Variants in TATDN1 observed in about 807,000 individuals in gnomAD.
TATDN1 encodes the protein TatD DNase domain containing 1.
Under a neutral mutation model 46.4 loss-of-function variants are expected in TATDN1, and 40 were observed. The observed-to-expected ratio is 0.86, with a 90% CI of 0.67 to 1.12. The LOEUF (loss-of-function observed/expected upper bound fraction) is 1.12, where lower values mean the gene tolerates loss of function less well. TATDN1 is among the 50% of genes most tolerant of loss of function. The pLI, the probability that TATDN1 is intolerant of heterozygous loss-of-function variation, is 0.00. For missense variants in TATDN1, 326 were observed against 348.4 expected, an observed-to-expected ratio of 0.94 and a Z score of 0.51; for synonymous variants, 95 against 105.6, an observed-to-expected ratio of 0.90 and a Z score of 0.62.
chr8:124,502,326 G>GT (rs1467145081), intron 9 of TATDN1, among the ~76,000 whole-genome samples: 1 of 146,406 alleles, frequency 6.8e-6, no homozygotes, highest in Non-Finnish European at 1.5e-5. Context: ...GGGCGACTGA[G>GT]TGAGAGTCCC....
At chr8:124,502,328 G>T (rs1818041656) in intron 9 of TATDN1, among the ~76,000 whole-genome samples, 1 of 144,560 alleles carries the variant, frequency 6.9e-6, no homozygotes, top group Non-Finnish European at 1.5e-5. Context: ...GCGACTGAGT[G>T]AGAGTCCCTC....
chr8:124,527,515 C>T (rs987062123), intron 1 of TATDN1, among the ~76,000 whole-genome samples: 5 of 151,870 alleles, frequency 3.3e-5, no homozygotes, highest in African/African-American at 9.7e-5. Flanking sequence ...TTCTATTTAA[C>T]GCTTACAAAA....
intron 1 of TATDN1, among the ~76,000 whole-genome samples, chr8:124,534,355 C>A (rs1157020022): frequency 6.6e-6 from 1 of 152,092 alleles, no homozygotes; most frequent in Non-Finnish European, 1.5e-5. Flanking sequence ...GTAAGTTTTA[C>A]TGGAACATAG....
At chr8:124,507,345 A>G (rs1398091257) in intron 8 of TATDN1, among the ~76,000 whole-genome samples, 1 of 152,212 alleles carries the variant, frequency 6.6e-6, no homozygotes, top group African/African-American at 2.4e-5. Flanking sequence ...GCGGACAAGA[A>G]ATGAGAAAGG....
At chr8:124,503,894 G>T (rs1818186046) in intron 9 of TATDN1, 14 of 1,290,176 alleles carry the variant, frequency 1.1e-5, no homozygotes, top group African/African-American at 7.6e-5. Context: ...ATGTATGACT[G>T]TCACAGAATA....
chr8:124,507,473 A>G (rs1439055893), intron 8 of TATDN1, among the ~76,000 whole-genome samples: 2 of 152,204 alleles, frequency 1.3e-5, no homozygotes, highest in Non-Finnish European at 2.9e-5. Flanking sequence ...AATATCATGC[A>G]CAGCATTAGG....
At chr8:124,500,384 T>A (rs1166599418) in intron 9 of TATDN1, among the ~76,000 whole-genome samples, 2 of 152,174 alleles carry the variant, frequency 1.3e-5, no homozygotes, top group Non-Finnish European at 2.9e-5. Context: ...TAAACTAACA[T>A]CCTAATGAAC....
intron 1 of TATDN1, among the ~76,000 whole-genome samples, chr8:124,537,323 CAACAGGGTAGTTG>C (rs1821533215): frequency 6.6e-6 from 1 of 152,092 alleles, no homozygotes. Flanking sequence ...GGCAGACAGG[CAACAGGGTAGTTG>C]GTAGGCAGAG....
At chr8:124,507,845 T>C (rs1009910084) in intron 8 of TATDN1, among the ~76,000 whole-genome samples, 63 of 151,994 alleles carry the variant, frequency 4.1e-4, no homozygotes, top group African/African-American at 1.5e-3. Flanking sequence ...AGGGTTTTCT[T>C]GTGAATGGAA....
chr8:124,521,959 T>C, intron 3 of TATDN1, 192 bp downstream of exon 3: 1 of 444,846 alleles, frequency 2.2e-6, no homozygotes, highest in South Asian at 4.8e-5. Context: ...ATACATGAGA[T>C]TTGTGTAACT....
chr8:124,489,642 T>G (rs1816771762), intron 11 of TATDN1: 1 of 152,208 alleles, frequency 6.6e-6, no homozygotes, highest in Non-Finnish European at 1.5e-5. Flanking sequence ...CTTGAACTCC[T>G]GACCTTGTGA....
At chr8:124,497,844 AT>A (rs1817614453) in intron 9 of TATDN1, among the ~76,000 whole-genome samples, 1 of 151,660 alleles carries the variant, frequency 6.6e-6, no homozygotes, top group African/African-American at 2.4e-5. Context: ...AAAATTCTCT[AT>A]GTCTACTACT....
At position 124,515,938 on chromosome 8, in the gene TATDN1, G is replaced by T. The variant is rs749828700; in HGVS notation, c.295C>A (p.Leu99Ile). 9.9e-6 allele frequency: 16 copies of T among 1,613,874 alleles called. No individual in the cohort carries two copies. The South Asian group carries it at 1.4e-4, about 14-fold the overall frequency. Reference protein sequence around the residue: ...PDLYLKELLNLAENNKGKVVA... With the variant: ...PDLYLKELLNIAENNKGKVVA... Reference sequence around the variant, plus strand: ...ACTTTCCCTTTATTGTTTTCAGCAAGATTTAGCAACTCCTTTAAGTAAAGA... The same window carrying T: ...ACTTTCCCTTTATTGTTTTCAGCAATATTTAGCAACTCCTTTAAGTAAAGA... Residue 99 changes from leucine to isoleucine, a missense_variant, in exon 5 of 12, where the codon CTT becomes ATT. Physicochemically the swap from Leu to Ile is conservative, Grantham distance 5 (BLOSUM62 2). Transcript: ENST00000276692.
chr8:124,515,894 G>T lies in TATDN1; in HGVS notation c.339C>A (p.Cys113Ter). The change falls in exon 5 of 12, where the codon TGC becomes TGA. Residue 113 changes from cysteine to a stop codon, truncating the protein, a stop_gained. Transcript: ENST00000276692. LOFTEE classifies it high-confidence loss of function. ...NKGKVVAIGE[C>*]GLDFDRLQFC... ...GGCGAGGCTGGCACTCACCAAGTCCGCATTCTCCTATTGCCACAACTTTCC... is the reference window on the plus strand; with the variant it reads ...GGCGAGGCTGGCACTCACCAAGTCCTCATTCTCCTATTGCCACAACTTTCC... The T allele has an allele frequency of 6.2e-7, 1 of 1,613,828 alleles. No individual in the cohort carries two copies. Among genetic ancestry groups the T allele is most frequent in the South Asian group, 1.1e-5 (1 of 91,018 alleles).
chr8:124,511,880 T>C (rs535866907), intron 6 of TATDN1, among the ~76,000 whole-genome samples: 1 of 152,114 alleles, frequency 6.6e-6, no homozygotes, highest in African/African-American at 2.4e-5. Flanking sequence ...TTAAGAAAGG[T>C]AGGCAGCAAT....
At chr8:124,522,796 C>A in intron 2 of TATDN1, 141 bp downstream of exon 2, 2 of 727,706 alleles carry the variant, frequency 2.7e-6, no homozygotes, top group Non-Finnish European at 4.9e-6. Flanking sequence ...CTCAGGCAAT[C>A]CTCCTGCCTC....
intron 1 of TATDN1, among the ~76,000 whole-genome samples, chr8:124,530,748 T>C (rs1361491300): frequency 3.3e-5 from 5 of 152,210 alleles, no homozygotes; most frequent in Non-Finnish European, 7.3e-5. Flanking sequence ...CAGAAAGGCA[T>C]GGAACAAATT....
intron 11 of TATDN1, among the ~76,000 whole-genome samples, chr8:124,492,592 A>G (rs1321352389): frequency 5.3e-5 from 8 of 151,888 alleles, no homozygotes; most frequent in Non-Finnish European, 1.2e-4. Flanking sequence ...CATCTCTACT[A>G]AAAATACAAA....
In TATDN1 at chr8:124,533,788, G is replaced by A. The variant is rs184860766; in HGVS notation, c.22+5237C>T. On this transcript the variant is annotated intron_variant, in intron 1 of 11. Coordinates refer to ENST00000276692, the MANE Select transcript of TATDN1 (RefSeq NM_032026.4). ...CTGTTCAGCCAGTTTAGGGGGCTTA[G>A]AATTTTATTTTTATTTCACAGGCAC... 1.5e-4 allele frequency among the ~76,000 whole-genome samples: 23 copies of A among 152,134 alleles called. 1 individual carries two copies. In the East Asian group the frequency reaches 2.3e-3, roughly 15 times the overall value.
Sources: gnomAD v4.1 joint callset for allele counts (sites outside exome capture counted in the v4.1 genomes callset) on GRCh38, gnomAD v4.1.1 for gene constraint, MANE v1.5 for transcripts, NCBI Gene and HGNC (gene_info 2026-07-23, HGNC 2026-07-21) for gene names.